The following IPO11 variants were observed in gnomAD, a reference collection of about 807,000 sequenced individuals.
The protein encoded by IPO11 is importin 11, also known as importin-11.
In IPO11, 66 loss-of-function variants were observed where a neutral mutation model predicts 143.2. The observed-to-expected ratio is 0.46, with a 90% CI of 0.38 to 0.57. The LOEUF is 0.57. Among genes scored for constraint, IPO11 ranks in the 20% least tolerant of loss-of-function variants. The pLI is 0.00. For synonymous variants in IPO11, 385 were observed against 377.8 expected (o/e 1.02, Z -0.22); for missense variants, 1,026 against 1,141.0 (o/e 0.90, Z 1.45).
At chr5:62,530,246 A>G (rs1175142945) in intron 21 of IPO11, among the ~76,000 whole-genome samples, 5 of 152,290 alleles carry the variant, frequency 3.3e-5, no homozygotes, top group East Asian at 3.9e-4. Flanking sequence ...GTGTCTTTCT[A>G]TCAACAGGGG....
chr5:62,620,574 A>T (rs1746319193), intron 29 of IPO11, among the ~76,000 whole-genome samples: 1 of 151,378 alleles, frequency 6.6e-6, no homozygotes, highest in Non-Finnish European at 1.5e-5. Flanking sequence ...CAAAATGTAG[A>T]GGCAGGAGGC....
intron 27 of IPO11, among the ~76,000 whole-genome samples, chr5:62,567,491 TATTA>T (rs1361898756): frequency 7.1e-5 from 10 of 140,364 alleles, no homozygotes; most frequent in African/African-American, 8.1e-5. Flanking sequence ...TTATTATTAT[TATTA>T]TTTTTTTTAC....
chr5:62,620,797 A>G (rs1003295907), intron 29 of IPO11, among the ~76,000 whole-genome samples: 5 of 152,256 alleles, frequency 3.3e-5, no homozygotes, highest in African/African-American at 1.2e-4. Context: ...CTGGAGAGGT[A>G]TAATGAGGCA....
chr5:62,627,161 T>C lies in IPO11; in HGVS notation c.2771T>C (p.Leu924Pro). 1 of 1,613,006 alleles carries C rather than the reference T, an allele frequency of 6.2e-7. No individual in the cohort carries two copies. Among genetic ancestry groups the C allele is most frequent in the East Asian group, 2.2e-5 (1 of 44,860 alleles). The change falls in exon 30 of 30, where the codon CTG (leucine) becomes CCG (proline). Residue 924 changes from leucine to proline, a missense_variant. Leu to Pro is a moderately conservative substitution (Grantham distance 98). Coordinates refer to ENST00000325324, the MANE Select transcript of IPO11 (RefSeq NM_016338.5). ...EQDKRKKMLALKDPVHTVSLQ... is the reference protein window; with the variant it reads ...EQDKRKKMLAPKDPVHTVSLQ... ...CCTCTCTGTATCCCACAGCTGGCCC[T>C]GAAGGACCCTGTTCATACAGTGTCA... is the stretch of plus-strand genomic sequence containing the variant.
intron 16 of IPO11, among the ~76,000 whole-genome samples, chr5:62,502,857 C>G (rs1741396035): frequency 6.6e-6 from 1 of 151,848 alleles, no homozygotes; most frequent in African/African-American, 2.4e-5. Context: ...TGGAGTCTTG[C>G]TCTGTTGCCC....
chr5:62,561,610 A>T (rs1166438045), intron 27 of IPO11, among the ~76,000 whole-genome samples: 1 of 152,198 alleles, frequency 6.6e-6, no homozygotes, highest in Non-Finnish European at 1.5e-5. Flanking sequence ...AGTCAATAGC[A>T]CTTCATAAAG....
intron 12 of IPO11, among the ~76,000 whole-genome samples, chr5:62,487,045 A>T (rs914917706): frequency 4.2e-4 from 64 of 152,256 alleles, no homozygotes; most frequent in African/African-American, 1.5e-3. Flanking sequence ...TATTTTAAAA[A>T]ATTTTTTGTG....
chr5:62,526,187 G>T lies in IPO11; in HGVS notation c.1942G>T (p.Val648Phe). The T allele has an allele frequency of 6.2e-7, 1 of 1,613,756 alleles. No individual in the cohort carries two copies. Among genetic ancestry groups the T allele is most frequent in the Non-Finnish European group, 8.5e-7 (1 of 1,179,804 alleles). ...GAACCTGTACCCTTTCCTGCTCCCA[G>T]TTATTCAACTGAGTACAGATGTTTC... is the stretch of plus-strand genomic sequence containing the variant. ...SKNLYPFLLPVIQLSTDVSQP... is the reference protein window; with the variant it reads ...SKNLYPFLLPFIQLSTDVSQP... Residue 648 changes from valine to phenylalanine, a missense_variant, in exon 21 of 30, where the codon GTT becomes TTT. Physicochemically the swap from Val to Phe is conservative, Grantham distance 50. Around this residue, in one of 5 missense-constraint regions of IPO11, gnomAD observed 237 missense variants for 288.0 expected, o/e 0.82. Transcript: ENST00000325324.
chr5:62,434,786 AG>A (rs1405922556), intron 1 of IPO11, among the ~76,000 whole-genome samples: 1 of 152,036 alleles, frequency 6.6e-6, no homozygotes, highest in Admixed American at 6.6e-5. Context: ...GAACTTCAGG[AG>A]GCCGAGGCAG....
intron 20 of IPO11, among the ~76,000 whole-genome samples, 194 bp downstream of exon 20, chr5:62,515,695 A>T (rs1741988915): frequency 6.6e-6 from 1 of 151,998 alleles, no homozygotes; most frequent in South Asian, 2.1e-4. Flanking sequence ...CATTTTTTTG[A>T]GGATGTAAAA....
chr5:62,515,516 C>T lies in IPO11; in HGVS notation c.1896+15C>T. On this transcript the variant is annotated intron_variant, in intron 20 of 29. Transcript: ENST00000325324. ...ATCTTGTTCAGGTAAGTCACTTCTC[C>T]ACAGAGTTTTTTTAGTTTAGTGGTT... is the stretch of plus-strand genomic sequence containing the variant. 1.3e-6 allele frequency: 2 copies of T among 1,527,554 alleles called. No homozygotes were observed. The highest frequency in any genetic ancestry group is 1.8e-6 in the Non-Finnish European group (2 of 1,125,608). 94.6% of individuals were successfully genotyped at this position (1,527,554 alleles called of 1,614,324 possible). A position where few individuals can be genotyped will look rare whatever the true frequency, so the allele number is the denominator to read the frequency against.
In IPO11 at chr5:62,550,392, A is replaced by T; in HGVS notation, c.2276A>T (p.Asn759Ile). The change falls in exon 25 of 30, where the codon AAC becomes ATC. Residue 759 changes from asparagine (N) to isoleucine (I), a missense_variant. Physicochemically the swap from Asn to Ile is moderately radical, Grantham distance 149 (BLOSUM62 -3). Around this residue, in one of 5 missense-constraint regions of IPO11, gnomAD observed 351 missense variants for 358.9 expected, o/e 0.98. Coordinates refer to ENST00000325324, the MANE Select transcript of IPO11 (RefSeq NM_016338.5). Reference protein sequence around the residue: ...LKVVENALKVNPILGPQMFQP... With the variant: ...LKVVENALKVIPILGPQMFQP... ...GTTGTGGAAAATGCCCTTAAAGTGA[A>T]CCCAATACTAGGTCCACAAATGTTT... 1 of 1,612,986 alleles carries T rather than the reference A, an allele frequency of 6.2e-7. No homozygotes were observed.
chr5:62,452,661 TCGTGTGTG>T, intron 5 of IPO11, among the ~76,000 whole-genome samples: 1 of 89,124 alleles, frequency 1.1e-5, no homozygotes, highest in South Asian at 4.2e-4. Flanking sequence ...GGTTTTGGGT[TCGTGTGTG>T]TGTGTGTGTG....
chr5:62,491,807 A>G lies in IPO11; in HGVS notation c.1463+1587A>G, dbSNP rs564239460. The stretch of plus-strand genomic sequence containing the variant: ...CAGCCTCCCCAGTAGCTGGGACTAC[A>G]GGTGCCCGCCACCATGCCCGGCTAA... On this transcript the variant is annotated intron_variant, in intron 15 of 29. Transcript: ENST00000325324. Among the ~76,000 whole-genome samples the G allele has an allele frequency of 5.2e-4, 79 of 151,838 alleles. 1 individual carries two copies. Among genetic ancestry groups the G allele is most frequent in the African/African-American group, 1.8e-3 (75 of 41,414 alleles).
rs189696471 is a variant in IPO11 at position 62,547,679 on chromosome 5, G to T, written c.2251-2688G>T. On this transcript the variant is annotated intron_variant, in intron 24 of 29. Transcript: ENST00000325324. ...TTATTTATTTACTCAATCAGATACT[G>T]CTTTATGTGGGGATTATTTAATCCT... Among the ~76,000 whole-genome samples, 138 of 152,052 alleles carry T rather than the reference G, an allele frequency of 9.1e-4. 1 individual carries two copies. Among genetic ancestry groups the T allele is most frequent in the Non-Finnish European group, 1.8e-3 (125 of 67,976 alleles).
At chr5:62,413,751 A>G (rs1177275827) in intron 1 of IPO11, among the ~76,000 whole-genome samples, 3 of 152,174 alleles carry the variant, frequency 2.0e-5, no homozygotes, top group African/African-American at 7.2e-5. Flanking sequence ...AATAGTTTGT[A>G]GCCATAATGC....
At chr5:62,607,998 G>T (rs2112459879) in intron 29 of IPO11, among the ~76,000 whole-genome samples, 1 of 152,062 alleles carries the variant, frequency 6.6e-6, no homozygotes, top group South Asian at 2.1e-4. Flanking sequence ...TGTATTTTTA[G>T]GTTAGAGACG....
At chr5:62,552,458 A>C (rs926481736) in intron 26 of IPO11, among the ~76,000 whole-genome samples, 1 of 150,746 alleles carries the variant, frequency 6.6e-6, no homozygotes, top group Non-Finnish European at 1.5e-5. Flanking sequence ...GAAATGGGGT[A>C]ATATATATTT....
intron 6 of IPO11, among the ~76,000 whole-genome samples, chr5:62,470,009 TC>T (rs972814560): frequency 8.5e-5 from 13 of 152,164 alleles, no homozygotes; most frequent in African/African-American, 3.1e-4. Flanking sequence ...AATTTTGGAA[TC>T]CAGTTTTAGA....
Sources: allele counts gnomAD v4.1 joint callset (sites outside exome capture counted in the v4.1 genomes callset), GRCh38; gene constraint gnomAD v4.1.1; regional missense constraint gnomAD v4.1.1; transcripts MANE v1.5; gene names NCBI Gene and HGNC (gene_info 2026-07-23, HGNC 2026-07-21).